Variants in GRID2 observed in about 807,000 individuals in gnomAD.
GRID2 encodes glutamate receptor ionotropic, delta-2.
In GRID2, 33 loss-of-function variants were observed where a neutral mutation model predicts 114.8. The ratio of observed to expected loss-of-function variants is 0.29; its 90% CI spans 0.22 to 0.38. The LOEUF (loss-of-function observed/expected upper bound fraction) is 0.38, where lower values mean the gene tolerates loss of function less well. Among genes scored for constraint, GRID2 ranks in the 10% least tolerant of loss-of-function variants. The pLI is 1.00. For missense variants in GRID2, 1,184 were observed against 1,257.7 expected, an observed-to-expected ratio of 0.94 and a Z score of 0.89; for synonymous variants, 505 against 449.9, an observed-to-expected ratio of 1.12 and a Z score of -1.55.
At chr4:93,739,991 C>A (rs1731235653) in intron 14 of GRID2, among the ~76,000 whole-genome samples, 2 of 152,026 alleles carry the variant, frequency 1.3e-5, no homozygotes, top group Admixed American at 1.3e-4. Flanking sequence ...TTTAAGTTAC[C>A]CTTGATTGAG....
At chr4:93,024,124 T>C (rs900145309) in intron 2 of GRID2, among the ~76,000 whole-genome samples, 36 of 151,850 alleles carry the variant, frequency 2.4e-4, no homozygotes, top group African/African-American at 8.4e-4. Context: ...GTCTTGTTAA[T>C]TCAAAACCTG....
At chr4:92,615,679 A>G (rs1729973529) in intron 2 of GRID2, among the ~76,000 whole-genome samples, 1 of 151,534 alleles carries the variant, frequency 6.6e-6, no homozygotes, top group African/African-American at 2.4e-5. Flanking sequence ...ACCTCATCAT[A>G]TTATTCTGGC....
chr4:93,702,126 G>T lies in GRID2; in HGVS notation c.2361-67084G>T, dbSNP rs114704551. On this transcript the variant is annotated intron_variant, in intron 14 of 15. Coordinates refer to ENST00000282020, the MANE Select transcript of GRID2 (RefSeq NM_001510.4). ...ACTCTTGTGTCTCCAAATAATAACT[G>T]AAAATGCAAACATTTCAAAAAGTTT... Among the ~76,000 whole-genome samples, 581 of 152,120 alleles carry T rather than the reference G, an allele frequency of 3.8e-3. 3 individuals carry two copies. Among genetic ancestry groups the T allele is most frequent in the African/African-American group, 0.013 (560 of 41,522 alleles).
Position 93,455,980 on chromosome 4 carries a change from G to C in GRID2, c.1858+6G>C. The C allele has an allele frequency of 6.6e-7, 1 of 1,520,774 alleles. No individual in the cohort carries two copies. Among genetic ancestry groups the C allele is most frequent in the Non-Finnish European group, 9.1e-7 (1 of 1,095,238 alleles). 94.2% of individuals were successfully genotyped at this position (1,520,774 alleles called of 1,614,324 possible). ...TGGATCTTTTGTACAACAAGGTAAG[G>C]AGCAAAAGTACATTCTAGTATTTAA... On this transcript the variant is annotated splice_donor_region_variant and intron_variant, in intron 11 of 15. Transcript: ENST00000282020.
chr4:92,622,615 A>G (rs1208930525), intron 2 of GRID2, among the ~76,000 whole-genome samples: 1 of 151,140 alleles, frequency 6.6e-6, no homozygotes, highest in Non-Finnish European at 1.5e-5. Context: ...AAGATTTCCT[A>G]AAGATATTTA....
rs1042565765 is a variant in GRID2, at chr4:93,750,532, G to C, written c.2361-18678G>C. ...CGTCTGTAATCCCAGCACTTTGGGA[G>C]GCCAAGGTGAGTGGATCACAAGGTC... On this transcript the variant is annotated intron_variant, in intron 14 of 15. Coordinates refer to ENST00000282020, the MANE Select transcript of GRID2 (RefSeq NM_001510.4). Among the ~76,000 whole-genome samples, 10 of 152,070 alleles carry C rather than the reference G, an allele frequency of 6.6e-5. 1 individual carries two copies. The Middle Eastern group carries it at 0.021, about 312-fold the overall frequency.
intron 10 of GRID2, among the ~76,000 whole-genome samples, chr4:93,433,011 A>T (rs1051501860): frequency 5.3e-5 from 8 of 152,140 alleles, no homozygotes; most frequent in Non-Finnish European, 1.2e-4. Context: ...TTGAGGCTGC[A>T]GTGAGCTGTG....
At chr4:93,484,712 G>A (rs770059254) in intron 11 of GRID2, among the ~76,000 whole-genome samples, 1 of 151,892 alleles carries the variant, frequency 6.6e-6, no homozygotes, top group Non-Finnish European at 1.5e-5. Flanking sequence ...CCTATAGTTG[G>A]CTGAAACTCT....
chr4:93,386,776 G>A (rs1198246980), intron 8 of GRID2, among the ~76,000 whole-genome samples: 2 of 152,122 alleles, frequency 1.3e-5, no homozygotes, highest in Non-Finnish European at 2.9e-5. Flanking sequence ...AAAGTACCAA[G>A]TACTAAGTCA....
intron 2 of GRID2, among the ~76,000 whole-genome samples, chr4:93,028,545 C>T (rs1004018620): frequency 5.9e-5 from 9 of 151,880 alleles, no homozygotes; most frequent in Non-Finnish European, 1.2e-4. Flanking sequence ...TGGAGTACCA[C>T]GATAGTAGTG....
At chr4:92,697,715 A>G (rs1215505277) in intron 2 of GRID2, among the ~76,000 whole-genome samples, 1 of 152,166 alleles carries the variant, frequency 6.6e-6, no homozygotes, top group African/African-American at 2.4e-5. Context: ...AGAAAAAAAG[A>G]CTAAGTAAAA....
intron 2 of GRID2, among the ~76,000 whole-genome samples, chr4:92,711,357 G>T (rs573984681): frequency 6.6e-6 from 1 of 152,224 alleles, no homozygotes. Context: ...ACTGCAGTCC[G>T]ACCTGGGGGC....
chr4:93,013,375 T>C (rs1243830696), intron 2 of GRID2, among the ~76,000 whole-genome samples: 1 of 152,026 alleles, frequency 6.6e-6, no homozygotes, highest in Non-Finnish European at 1.5e-5. Context: ...AAACACAGGA[T>C]GTCTTCATAT....
intron 1 of GRID2, among the ~76,000 whole-genome samples, chr4:92,408,925 A>G (rs970379463): frequency 3.9e-5 from 6 of 151,924 alleles, no homozygotes; most frequent in African/African-American, 1.5e-4. Context: ...AGACAGATTG[A>G]CTTCTTCTTT....
chr4:92,621,347 A>C (rs1160254627), intron 2 of GRID2, among the ~76,000 whole-genome samples: 1 of 151,908 alleles, frequency 6.6e-6, no homozygotes, highest in Non-Finnish European at 1.5e-5. Flanking sequence ...AGATAAACAT[A>C]TGAGAGAAGA....
intron 1 of GRID2, among the ~76,000 whole-genome samples, chr4:92,548,017 AG>A (rs1190133128): frequency 6.6e-6 from 1 of 152,184 alleles, no homozygotes; most frequent in Non-Finnish European, 1.5e-5. Flanking sequence ...TCTGAATTCC[AG>A]ACAAAAGAGT....
At chr4:93,753,847 C>T (rs1454450623) in intron 14 of GRID2, among the ~76,000 whole-genome samples, 1 of 152,160 alleles carries the variant, frequency 6.6e-6, no homozygotes, top group African/African-American at 2.4e-5. Flanking sequence ...CATCAAGACT[C>T]ACTGAGCTGT....
At chr4:92,968,041 T>G (rs1753271678) in intron 2 of GRID2, among the ~76,000 whole-genome samples, 1 of 151,874 alleles carries the variant, frequency 6.6e-6, no homozygotes, top group African/African-American at 2.4e-5. Flanking sequence ...GCCTGATGTC[T>G]AGAGCATCAG....
intron 14 of GRID2, 80 bp from the exon 15 acceptor site, chr4:93,769,130 T>A (rs546035899): frequency 7.3e-6 from 10 of 1,376,270 alleles, no homozygotes; most frequent in Admixed American, 1.8e-5. Context: ...CCTACAGAGG[T>A]GGGATTATAA....
Sources: gnomAD v4.1 joint callset for allele counts (sites outside exome capture counted in the v4.1 genomes callset) on GRCh38, gnomAD v4.1.1 for gene constraint, MANE v1.5 for transcripts, NCBI Gene and HGNC (gene_info 2026-07-23, HGNC 2026-07-21) for gene names.